SCHIP1: variants seen among roughly 807,000 people sequenced by gnomAD.
SCHIP1 encodes the protein schwannomin-interacting protein 1.
In SCHIP1, 8 loss-of-function variants were observed where a neutral mutation model predicts 29.7. The observed-to-expected ratio is 0.27, with a 90% confidence interval of 0.16 to 0.49. The LOEUF (loss-of-function observed/expected upper bound fraction) is 0.49, where lower values mean the gene tolerates loss of function less well. Among genes scored for constraint, SCHIP1 ranks in the 20% least tolerant of loss-of-function variants. The pLI is 0.99. For synonymous variants in SCHIP1, 76 were observed against 94.9 expected (o/e 0.80, Z 1.16); for missense variants, 193 against 294.6 (o/e 0.66, Z 2.52).
the SCHIP1 span, among the ~76,000 whole-genome samples, chr3:159,578,867 A>G: frequency 1.3e-5 from 2 of 152,090 alleles, no homozygotes; most frequent in African/African-American, 4.8e-5. Context: ...ATCCAGGATA[A>G]TCTCCCCATC....
At chr3:159,425,982 CT>C in the SCHIP1 span, among the ~76,000 whole-genome samples, 1 of 152,152 alleles carries the variant, frequency 6.6e-6, no homozygotes, top group Admixed American at 6.5e-5. Context: ...TAAAGATGTT[CT>C]TTGAAACCAA....
the SCHIP1 span, among the ~76,000 whole-genome samples, chr3:159,548,589 T>C: frequency 6.6e-6 from 1 of 152,000 alleles, no homozygotes. Context: ...GAAGCTCTGT[T>C]TATATTTAAT....
At chr3:159,533,079 A>G in the SCHIP1 span, among the ~76,000 whole-genome samples, 26 of 152,238 alleles carry the variant, frequency 1.7e-4, no homozygotes, top group Admixed American at 1.7e-3. Flanking sequence ...TCTACTGGGT[A>G]AAATGTACAT....
At chr3:159,529,517 T>C in the SCHIP1 span, among the ~76,000 whole-genome samples, 1 of 152,198 alleles carries the variant, frequency 6.6e-6, no homozygotes, top group Admixed American at 6.5e-5. Context: ...ATGGCTTACA[T>C]GTGATACTTT....
chr3:159,584,233 T>C, the SCHIP1 span, among the ~76,000 whole-genome samples: 1 of 152,208 alleles, frequency 6.6e-6, no homozygotes, highest in East Asian at 1.9e-4. Context: ...TCCTTCTTAA[T>C]TTATGGGTAC....
chr3:159,636,851 C>T, the SCHIP1 span, among the ~76,000 whole-genome samples: 3 of 152,144 alleles, frequency 2.0e-5, no homozygotes, highest in Non-Finnish European at 1.5e-5. Context: ...TAGAAATAGA[C>T]CAAAATAAAC....
chr3:159,707,118 A>G, the SCHIP1 span, among the ~76,000 whole-genome samples: 2 of 152,190 alleles, frequency 1.3e-5, no homozygotes, highest in African/African-American at 4.8e-5. Context: ...CAGTGCTATG[A>G]TAACTTTTAT....
the SCHIP1 span, among the ~76,000 whole-genome samples, chr3:159,435,788 C>T: frequency 6.6e-6 from 1 of 152,128 alleles, no homozygotes; most frequent in Non-Finnish European, 1.5e-5. Context: ...GTGTGTGATG[C>T]TCCTCATGCA....
the SCHIP1 span, among the ~76,000 whole-genome samples, chr3:159,432,054 G>T: frequency 6.6e-6 from 1 of 152,088 alleles, no homozygotes; most frequent in Admixed American, 6.6e-5. Context: ...CAGGAACCTA[G>T]AAGTAGCTTG....
chr3:159,442,985 A>T, the SCHIP1 span, among the ~76,000 whole-genome samples: 143 of 152,348 alleles, frequency 9.4e-4, 1 homozygote, highest in Non-Finnish European at 1.8e-3. Flanking sequence ...CTTAGCTGTT[A>T]CATTAACAAT....
chr3:159,401,795 G>A, the SCHIP1 span, among the ~76,000 whole-genome samples: 3 of 152,122 alleles, frequency 2.0e-5, no homozygotes, highest in Non-Finnish European at 2.9e-5. Flanking sequence ...GGTCTAACAT[G>A]TAAGTCTTTA....
At chr3:159,722,293 C>A in the SCHIP1 span, 1,048 of 169,804 alleles carry the variant, frequency 6.2e-3, 7 homozygotes, top group African/African-American at 0.024. Context: ...AAGTTCTACA[C>A]CCTCTTGTCT....
chr3:159,464,715 G>A, the SCHIP1 span, among the ~76,000 whole-genome samples: 21 of 152,246 alleles, frequency 1.4e-4, no homozygotes, highest in Non-Finnish European at 2.8e-4. Flanking sequence ...TACCCACGGA[G>A]CTTGAATCAA....
At chr3:159,418,754 A>C in the SCHIP1 span, among the ~76,000 whole-genome samples, 1 of 152,218 alleles carries the variant, frequency 6.6e-6, no homozygotes, top group African/African-American at 2.4e-5. Flanking sequence ...CTGGAAGTGC[A>C]GGGCTTCAGC....
the SCHIP1 span, among the ~76,000 whole-genome samples, chr3:159,829,363 C>T: frequency 1.3e-5 from 2 of 152,054 alleles, no homozygotes; most frequent in South Asian, 2.1e-4. Flanking sequence ...ATTATATGAG[C>T]GGCTAAACAT....
chr3:159,809,639 A>G, the SCHIP1 span, among the ~76,000 whole-genome samples: 1 of 150,806 alleles, frequency 6.6e-6, no homozygotes, highest in Non-Finnish European at 1.5e-5. Context: ...CAGCCTGGGC[A>G]ATGAGAGCAA....
the SCHIP1 span, among the ~76,000 whole-genome samples, chr3:159,396,600 G>A: frequency 6.6e-6 from 1 of 151,814 alleles, no homozygotes; most frequent in Non-Finnish European, 1.5e-5. Flanking sequence ...GGCAGGATAT[G>A]AAATTCTGGG....
At chr3:159,497,830 C>A in the SCHIP1 span, among the ~76,000 whole-genome samples, 1 of 152,102 alleles carries the variant, frequency 6.6e-6, no homozygotes, top group Admixed American at 6.6e-5. Context: ...AAATCCAGAA[C>A]AAAGCTCACA....
chr3:159,849,328 G>C (rs1325323320), intron 1 of SCHIP1, among the ~76,000 whole-genome samples: 1 of 152,006 alleles, frequency 6.6e-6, no homozygotes, highest in African/African-American at 2.4e-5. Flanking sequence ...AGCCCACTCT[G>C]TTAAAATTAA....
Sources: allele counts gnomAD v4.1 joint callset (sites outside exome capture counted in the v4.1 genomes callset), GRCh38; gene constraint gnomAD v4.1.1; transcripts MANE v1.5; gene names NCBI Gene and HGNC (gene_info 2026-07-23, HGNC 2026-07-21).